The following VEPH1 variants were observed in gnomAD, a reference collection of about 807,000 sequenced individuals.
VEPH1 encodes the protein ventricular zone-expressed PH domain-containing protein homolog 1.
Under a neutral mutation model 85.2 loss-of-function variants are expected in VEPH1, and 80 were observed. The observed-to-expected ratio is 0.94, with a 90% CI of 0.78 to 1.13. The LOEUF (loss-of-function observed/expected upper bound fraction) is 1.13, where lower values mean the gene tolerates loss of function less well. Among genes scored for constraint, VEPH1 ranks in the 50% most tolerant of loss-of-function variants. The probability of loss-of-function intolerance (pLI) is 0.00; values close to 1 mark genes in which losing one functional copy is unlikely to be tolerated. For synonymous variants in VEPH1, 297 were observed against 348.0 expected, an observed-to-expected ratio of 0.85 and a Z score of 1.63; for missense variants, 955 against 980.5, an observed-to-expected ratio of 0.97 and a Z score of 0.35.
chr3:157,492,629 T>G (rs945311065), intron 2 of VEPH1, among the ~76,000 whole-genome samples: 3 of 152,108 alleles, frequency 2.0e-5, no homozygotes, highest in Non-Finnish European at 4.4e-5. Context: ...TTTTGATTGT[T>G]GGGGGCAGAG....
chr3:157,294,222 C>T (rs1717857084), intron 11 of VEPH1, among the ~76,000 whole-genome samples: 1 of 151,538 alleles, frequency 6.6e-6, no homozygotes, highest in Non-Finnish European at 1.5e-5. Context: ...AGCCAAGGTG[C>T]TTCTCTCATT....
chr3:157,492,291 C>T (rs1165335608), intron 2 of VEPH1, among the ~76,000 whole-genome samples: 1 of 152,158 alleles, frequency 6.6e-6, no homozygotes, highest in African/African-American at 2.4e-5. Context: ...ATGAAACACA[C>T]AAGAATTCTG....
chr3:157,269,527 G>A (rs1714218088), intron 12 of VEPH1, among the ~76,000 whole-genome samples: 1 of 152,008 alleles, frequency 6.6e-6, no homozygotes, highest in South Asian at 2.1e-4. Flanking sequence ...TAAAAGCCAG[G>A]CTATTTGGAG....
At chr3:157,325,304 A>G (rs1721776255) in intron 9 of VEPH1, among the ~76,000 whole-genome samples, 1 of 152,066 alleles carries the variant, frequency 6.6e-6, no homozygotes, top group African/African-American at 2.4e-5. Flanking sequence ...GTTCACTGTG[A>G]TGATAGTTTC....
chr3:157,376,178 A>G (rs1728081058), intron 7 of VEPH1, among the ~76,000 whole-genome samples: 1 of 151,982 alleles, frequency 6.6e-6, no homozygotes, highest in African/African-American at 2.4e-5. Flanking sequence ...TTCTCTCCAC[A>G]ATTTCCATCC....
rs772512643 is a variant in VEPH1, at chr3:157,364,373, G to A, written c.1267C>T (p.Pro423Ser). The change falls in exon 8 of 14, where the codon CCT (proline) becomes TCT (serine). Residue 423 changes from proline to serine, a missense_variant. By Grantham distance (74) the Pro-to-Ser change is moderately conservative. Coordinates refer to ENST00000362010, the MANE Select transcript of VEPH1 (RefSeq NM_001167912.2). ...EDKINAGSNT[P>S]GSIRRYSLGQ... ...AGACTATATCTTCTGATAGAGCCAG[G>A]GGTATTGCTCCCTGCATTTATCTTG... 1.9e-6 allele frequency: 3 copies of A among 1,613,806 alleles called. No homozygotes were observed. The highest frequency in any genetic ancestry group is 1.7e-5 in the Admixed American group (1 of 59,998).
At chr3:157,297,159 A>T (rs1718236855) in intron 11 of VEPH1, among the ~76,000 whole-genome samples, 1 of 152,186 alleles carries the variant, frequency 6.6e-6, no homozygotes, top group South Asian at 2.1e-4. Context: ...GCTCCTTTTT[A>T]TGTGTGTAAA....
At chr3:157,450,048 C>CTTTTTTTTTTTTTTTTTTTTTTT (rs761761440) in intron 4 of VEPH1, among the ~76,000 whole-genome samples, 1 of 77,324 alleles carries the variant, frequency 1.3e-5, no homozygotes, top group African/African-American at 4.8e-5. Context: ...AGAATATTTA[C>CTTTTTTTTTTTTTTTTTTTTTTT]TTTTTTTTTT....
At chr3:157,385,445 T>G (rs1431192663) in intron 6 of VEPH1, among the ~76,000 whole-genome samples, 1 of 152,152 alleles carries the variant, frequency 6.6e-6, no homozygotes, top group East Asian at 1.9e-4. Flanking sequence ...TCCCAGAGTT[T>G]TTGTTATCTG....
chr3:157,432,294 T>C (rs1363313390), intron 4 of VEPH1, among the ~76,000 whole-genome samples: 3 of 152,188 alleles, frequency 2.0e-5, no homozygotes, highest in Non-Finnish European at 4.4e-5. Context: ...ATTTTTGATT[T>C]ATTGATTTAA....
chr3:157,487,093 T>C (rs763195549), intron 2 of VEPH1, among the ~76,000 whole-genome samples: 1 of 151,900 alleles, frequency 6.6e-6, no homozygotes, highest in South Asian at 2.1e-4. Flanking sequence ...AACCTAATTA[T>C]ACAATTGAGG....
chr3:157,346,587 C>G (rs1217628395), intron 9 of VEPH1, among the ~76,000 whole-genome samples: 1 of 151,462 alleles, frequency 6.6e-6, no homozygotes, highest in Non-Finnish European at 1.5e-5. Flanking sequence ...TGGAAATGTC[C>G]TCATATTTTA....
At chr3:157,408,156 C>A (rs1731277625) in intron 6 of VEPH1, among the ~76,000 whole-genome samples, 1 of 152,116 alleles carries the variant, frequency 6.6e-6, no homozygotes, top group African/African-American at 2.4e-5. Context: ...CCTGCTGAGG[C>A]CTCGTATATG....
At chr3:157,382,754 C>T (rs1728909127) in intron 6 of VEPH1, among the ~76,000 whole-genome samples, 1 of 152,198 alleles carries the variant, frequency 6.6e-6, no homozygotes, top group Non-Finnish European at 1.5e-5. Flanking sequence ...AGGTGCAACT[C>T]TTCCATGCAG....
intron 5 of VEPH1, among the ~76,000 whole-genome samples, chr3:157,423,833 G>A (rs1437230637): frequency 6.6e-6 from 1 of 152,158 alleles, no homozygotes; most frequent in African/African-American, 2.4e-5. Flanking sequence ...GGCTAATTAT[G>A]CATATAACTA....
At chr3:157,316,632 C>T (rs897086035) in intron 10 of VEPH1, among the ~76,000 whole-genome samples, 1 of 151,578 alleles carries the variant, frequency 6.6e-6, no homozygotes, top group Non-Finnish European at 1.5e-5. Flanking sequence ...CACCTATGTA[C>T]ATATATTCTA....
intron 7 of VEPH1, among the ~76,000 whole-genome samples, chr3:157,379,536 G>A (rs1728522416): frequency 6.6e-6 from 1 of 152,084 alleles, no homozygotes; most frequent in Non-Finnish European, 1.5e-5. Context: ...TCCTCTGACT[G>A]TGACTCTTGA....
chr3:157,416,993 T>C lies in VEPH1; in HGVS notation c.697-2903A>G, dbSNP rs1242456037. Among the ~76,000 whole-genome samples the C allele has an allele frequency of 3.3e-5, 5 of 150,964 alleles. No homozygotes were observed. In the East Asian group the frequency reaches 9.7e-4, roughly 29 times the overall value. On this transcript the variant is annotated intron_variant, in intron 5 of 13. Coordinates refer to ENST00000362010, the MANE Select transcript of VEPH1 (RefSeq NM_001167912.2). ...ATACACCTGGGCATAGTTGAATCCA[T>C]AGAAAGAGCAAGGGAAGTGAAGCCC...
At chr3:157,429,210 T>C (rs1577634091) in intron 4 of VEPH1, among the ~76,000 whole-genome samples, 1 of 152,234 alleles carries the variant, frequency 6.6e-6, no homozygotes, top group East Asian at 1.9e-4. Flanking sequence ...GTATAGATTT[T>C]TTTTCTCAAA....
Sources: allele counts gnomAD v4.1 joint callset (sites outside exome capture counted in the v4.1 genomes callset), GRCh38; gene constraint gnomAD v4.1.1; transcripts MANE v1.5; gene names NCBI Gene and HGNC (gene_info 2026-07-23, HGNC 2026-07-21).